Variants in CARM1 observed in about 807,000 individuals in gnomAD.
CARM1 encodes the protein coactivator associated arginine methyltransferase 1.
CARM1 carries 14 observed loss-of-function variants against 72.7 expected under a neutral mutation model. The observed-to-expected ratio is 0.19, with a 90% CI of 0.13 to 0.30. CARM1 has a LOEUF of 0.30. CARM1 is among the 10% of genes least tolerant of loss of function. CARM1 has a pLI of 1.00. For missense variants in CARM1, 432 were observed against 833.7 expected, an observed-to-expected ratio of 0.52 and a Z score of 5.93; for synonymous variants, 333 against 345.5, an observed-to-expected ratio of 0.96 and a Z score of 0.40.
intron 1 of CARM1, among the ~76,000 whole-genome samples, chr19:10,881,896 G>A (rs1037477581): frequency 6.6e-6 from 1 of 152,112 alleles, no homozygotes; most frequent in African/African-American, 2.4e-5. Flanking sequence ...TAAACACAAG[G>A]TCCCACATTT....
chr19:10,891,008 C>T (rs570101247), intron 1 of CARM1, among the ~76,000 whole-genome samples: 1 of 151,358 alleles, frequency 6.6e-6, no homozygotes, highest in Non-Finnish European at 1.5e-5. Flanking sequence ...GAAGCTGATT[C>T]TCTGTCAGCC....
chr19:10,899,264 A>G (rs1225947097), intron 1 of CARM1, among the ~76,000 whole-genome samples: 1 of 152,144 alleles, frequency 6.6e-6, no homozygotes, highest in Non-Finnish European at 1.5e-5. Flanking sequence ...CAGGTCCTGT[A>G]GTTGCCTGCC....
At chr19:10,906,093 G>A (rs968698348) in intron 2 of CARM1, among the ~76,000 whole-genome samples, 6 of 150,170 alleles carry the variant, frequency 4.0e-5, no homozygotes, top group Non-Finnish European at 8.9e-5. Flanking sequence ...GGGACTACAC[G>A]TGTGTGCCAC....
intron 1 of CARM1, among the ~76,000 whole-genome samples, chr19:10,878,745 A>C (rs1040306039): frequency 6.6e-6 from 1 of 151,370 alleles, no homozygotes; most frequent in African/African-American, 2.4e-5. Flanking sequence ...AAGTGTGAAG[A>C]TTGTCAGGTG....
chr19:10,879,523 G>A (rs2073886616), intron 1 of CARM1, among the ~76,000 whole-genome samples: 1 of 152,162 alleles, frequency 6.6e-6, no homozygotes, highest in South Asian at 2.1e-4. Context: ...GTGGGCCAGG[G>A]CTGGAGACAG....
chr19:10,898,049 A>G lies in CARM1; in HGVS notation c.221-6902A>G, dbSNP rs189636899. Among the ~76,000 whole-genome samples, 741 of 151,330 alleles carry G rather than the reference A, an allele frequency of 4.9e-3. 5 individuals are homozygous for G. The highest frequency in any genetic ancestry group is 0.017 in the African/African-American group (715 of 41,206). ...GTGAACCCCAGGGAGTGGAGCCTGC[A>G]GTGAGCCAAGATTGCGCCACTGCAC... On this transcript the variant is annotated intron_variant, in intron 1 of 15. Coordinates refer to ENST00000327064, the MANE Select transcript of CARM1 (RefSeq NM_199141.2).
intron 1 of CARM1, among the ~76,000 whole-genome samples, chr19:10,894,039 G>A (rs2074006715): frequency 6.6e-6 from 1 of 152,198 alleles, no homozygotes; most frequent in African/African-American, 2.4e-5. Context: ...GGAAGCTTCT[G>A]GTTCCCAGTT....
chr19:10,898,413 G>C (rs1218905521), intron 1 of CARM1, among the ~76,000 whole-genome samples: 1 of 152,166 alleles, frequency 6.6e-6, no homozygotes, highest in Admixed American at 6.5e-5. Flanking sequence ...TGCTAGCCCT[G>C]CAGCCTGTCC....
intron 1 of CARM1, among the ~76,000 whole-genome samples, chr19:10,898,017 G>A (rs1034455454): frequency 6.6e-6 from 1 of 151,868 alleles, no homozygotes; most frequent in Admixed American, 6.6e-5. Context: ...TGAGGCAGGA[G>A]AATGGCGTGA....
chr19:10,904,752 G>A (rs2074090367), intron 1 of CARM1, among the ~76,000 whole-genome samples, 199 bp from the exon 2 acceptor site: 1 of 152,354 alleles, frequency 6.6e-6, no homozygotes, highest in Admixed American at 6.5e-5. Flanking sequence ...TGTTCCTGCT[G>A]TCTGATCAGT....
rs1006706845 is a variant in CARM1 at position 10,919,946 on chromosome 19, C to T, written c.1176C>T (p.Asp392=). ...GLVHGLAFWF[D]VAFIGSIMTV... ...TCCACGGCCTGGCTTTCTGGTTTGACGTTGCTTTCATCGGCTCCATGTGAG... is the reference window on the plus strand; with the variant it reads ...TCCACGGCCTGGCTTTCTGGTTTGATGTTGCTTTCATCGGCTCCATGTGAG... The change falls in exon 10 of 16, where the codon GAC becomes GAT. Residue 392 remains aspartate (D), a synonymous_variant. Transcript: ENST00000327064. 14 of 1,613,884 alleles carry T rather than the reference C, an allele frequency of 8.7e-6. No homozygotes were observed. The highest frequency in any genetic ancestry group is 1.0e-5 in the Non-Finnish European group (12 of 1,179,910).
At chr19:10,899,240 G>C (rs937509647) in intron 1 of CARM1, among the ~76,000 whole-genome samples, 2 of 152,202 alleles carry the variant, frequency 1.3e-5, no homozygotes, top group Non-Finnish European at 2.9e-5. Flanking sequence ...GCACAGCCAG[G>C]CTTCACTTGG....
chr19:10,921,908 A>C lies in CARM1; in HGVS notation c.*151A>C. The stretch of plus-strand genomic sequence containing the variant: ...GGGAACTGGGACACTTTTTTACACG[A>C]TGTTGCCGCCGTCCCCACCCTAACC... On this transcript the variant is annotated 3_prime_UTR_variant, in exon 16 of 16. Transcript: ENST00000327064. The C allele has an allele frequency of 1.4e-6, 1 of 735,052 alleles. No homozygotes were observed. Among genetic ancestry groups the C allele is most frequent in the Non-Finnish European group, 2.1e-6 (1 of 465,430 alleles). The allele number at this position is 735,052 out of a possible 1,614,324, so 45.5% of individuals were successfully genotyped here.
intron 1 of CARM1, among the ~76,000 whole-genome samples, chr19:10,889,231 C>T (rs1383840744): frequency 1.3e-5 from 2 of 152,148 alleles, no homozygotes; most frequent in African/African-American, 4.8e-5. Flanking sequence ...AACAGGACAC[C>T]CACAGACACC....
intron 1 of CARM1, among the ~76,000 whole-genome samples, chr19:10,885,085 T>C (rs983740945): frequency 7.2e-5 from 11 of 152,216 alleles, no homozygotes; most frequent in African/African-American, 2.4e-4. Flanking sequence ...TTGACAATTA[T>C]GGACACCCAT....
intron 2 of CARM1, among the ~76,000 whole-genome samples, chr19:10,907,312 A>G (rs2074113018): frequency 6.6e-6 from 1 of 152,180 alleles, no homozygotes; most frequent in Non-Finnish European, 1.5e-5. Context: ...CTGGGATTAC[A>G]GTTGAGAACC....
chr19:10,905,149 G>A, intron 2 of CARM1, 73 bp downstream of exon 2: 1 of 1,564,108 alleles, frequency 6.4e-7, no homozygotes, highest in South Asian at 1.1e-5. Context: ...GGGGCGTAGA[G>A]CCTGGCTGAG....
At chr19:10,878,439 C>T (rs1317253895) in intron 1 of CARM1, among the ~76,000 whole-genome samples, 1 of 152,166 alleles carries the variant, frequency 6.6e-6, no homozygotes, top group Non-Finnish European at 1.5e-5. Flanking sequence ...GTGTGAGCCC[C>T]TTGTGCCAAT....
intron 5 of CARM1, among the ~76,000 whole-genome samples, chr19:10,913,063 G>T (rs1383200034): frequency 6.6e-6 from 1 of 152,102 alleles, no homozygotes; most frequent in Non-Finnish European, 1.5e-5. Flanking sequence ...GGACCTAGGA[G>T]GCCGCAGCAG....
Sources: allele counts gnomAD v4.1 joint callset (sites outside exome capture counted in the v4.1 genomes callset), GRCh38; gene constraint gnomAD v4.1.1; transcripts MANE v1.5; gene names NCBI Gene and HGNC (gene_info 2026-07-23, HGNC 2026-07-21).